The following RAB8B variants were observed in gnomAD, a reference collection of about 807,000 sequenced individuals.
RAB8B encodes the protein ras-related protein Rab-8B.
RAB8B carries 11 observed loss-of-function variants against 32.0 expected under a neutral mutation model. That is an observed-to-expected ratio of 0.34 (90% CI 0.22 to 0.57). The LOEUF (loss-of-function observed/expected upper bound fraction) is 0.57. RAB8B is among the 20% of genes least tolerant of loss of function. RAB8B has a pLI of 0.86. For synonymous variants in RAB8B, 103 were observed against 89.6 expected (o/e 1.15, Z -0.85); for missense variants, 190 against 258.5 (o/e 0.73, Z 1.82).
intron 1 of RAB8B, 81 bp from the exon 2 acceptor site, chr15:63,244,675 C>A: frequency 1.7e-6 from 2 of 1,149,596 alleles, no homozygotes; most frequent in South Asian, 1.4e-5. Context: ...AGCTTTTTTT[C>A]AATAGAAATC....
intron 2 of RAB8B, among the ~76,000 whole-genome samples, chr15:63,249,212 T>C (rs541595833): frequency 3.3e-5 from 5 of 152,270 alleles, no homozygotes; most frequent in African/African-American, 4.8e-5. Flanking sequence ...TCCAGCTCGA[T>C]TGCTTGCTTT....
intron 1 of RAB8B, among the ~76,000 whole-genome samples, chr15:63,196,070 C>A (rs2141106045): frequency 6.6e-6 from 1 of 152,248 alleles, no homozygotes; most frequent in Middle Eastern, 3.4e-3. Flanking sequence ...TTATTTGCAG[C>A]TTTACCATTG....
At chr15:63,258,059 G>A (rs1224083654) in intron 5 of RAB8B, among the ~76,000 whole-genome samples, 3 of 144,024 alleles carry the variant, frequency 2.1e-5, no homozygotes, top group Admixed American at 6.9e-5. Context: ...GAGCAAGACT[G>A]TGTCTCAAAA....
chr15:63,237,234 A>G (rs184636672), intron 1 of RAB8B, among the ~76,000 whole-genome samples: 43 of 152,160 alleles, frequency 2.8e-4, no homozygotes, highest in Admixed American at 2.5e-3. Flanking sequence ...TCTTTGACAT[A>G]CTCATTTCCT....
intron 1 of RAB8B, among the ~76,000 whole-genome samples, chr15:63,191,709 TC>T (rs1393315019): frequency 1.2e-4 from 19 of 152,334 alleles, no homozygotes; most frequent in Admixed American, 5.9e-4. Context: ...TATTTGAGCC[TC>T]CCAGAAGTAT....
chr15:63,207,920 T>C (rs1361463728), intron 1 of RAB8B, among the ~76,000 whole-genome samples: 1 of 152,072 alleles, frequency 6.6e-6, no homozygotes, highest in Non-Finnish European at 1.5e-5. Context: ...TTCTTTCTTC[T>C]GCCACCCTAA....
At chr15:63,225,715 CT>C (rs1489770039) in intron 1 of RAB8B, among the ~76,000 whole-genome samples, 5 of 152,182 alleles carry the variant, frequency 3.3e-5, no homozygotes, top group African/African-American at 1.2e-4. Context: ...AGACTCATAA[CT>C]TTTCATTGTT....
intron 1 of RAB8B, among the ~76,000 whole-genome samples, chr15:63,233,731 A>G (rs1381877478): frequency 6.6e-6 from 1 of 152,256 alleles, no homozygotes; most frequent in Admixed American, 6.5e-5. Context: ...ATGTAAATAT[A>G]CAAACCACAT....
Position 63,267,489 on chromosome 15 carries a change from C to G in RAB8B, c.*3870C>G, listed in dbSNP as rs2038258209. 6.6e-6 allele frequency: 1 copy of G among 152,130 alleles called. No individual in the cohort carries two copies. 9.4% of individuals were successfully genotyped at this position (152,130 alleles called of 1,614,324 possible). Reference sequence around the variant, plus strand: ...CTGCAGTTCCTTTCATGCAAAATACCATAAACTGTTTGATGAAAATCATGC... The same window carrying G: ...CTGCAGTTCCTTTCATGCAAAATACGATAAACTGTTTGATGAAAATCATGC... On this transcript the variant is annotated 3_prime_UTR_variant, in exon 8 of 8. Coordinates refer to ENST00000321437, the MANE Select transcript of RAB8B (RefSeq NM_016530.3).
At chr15:63,206,526 G>A (rs954915111) in intron 1 of RAB8B, among the ~76,000 whole-genome samples, 2 of 151,262 alleles carry the variant, frequency 1.3e-5, no homozygotes, top group African/African-American at 2.4e-5. Flanking sequence ...TGTTTCTTTC[G>A]CCCTTCTCTC....
At chr15:63,217,954 A>G (rs1287512400) in intron 1 of RAB8B, among the ~76,000 whole-genome samples, 18 of 152,248 alleles carry the variant, frequency 1.2e-4, no homozygotes, top group Admixed American at 1.2e-3. Flanking sequence ...CTATAGAGCT[A>G]AAGCTTAGGT....
At position 63,264,017 on chromosome 15, in the gene RAB8B, AAG is replaced by A. The variant is rs2038222948; in HGVS notation, c.*401_*402del. The A allele has an allele frequency of 6.2e-6, 1 of 161,920 alleles. No individual in the cohort carries two copies. Among genetic ancestry groups the A allele is most frequent in the South Asian group, 1.9e-4 (1 of 5,348 alleles). The allele number at this position is 161,920 out of a possible 1,614,324, so 10.0% of individuals were successfully genotyped here. A position where few individuals can be genotyped will look rare whatever the true frequency, so the allele number is the denominator to read the frequency against. ...AAATTTGTACATGTGGCAATGTTAAAAGAGCATTTACAGCAGAGGTTAATATA... is the reference window on the plus strand; with the variant it reads ...AAATTTGTACATGTGGCAATGTTAAAAGCATTTACAGCAGAGGTTAATATA... On this transcript the variant is annotated 3_prime_UTR_variant, in exon 8 of 8. Coordinates refer to ENST00000321437, the MANE Select transcript of RAB8B (RefSeq NM_016530.3).
chr15:63,241,645 TTGTACTACTTTC>T (rs2038033056), intron 1 of RAB8B, among the ~76,000 whole-genome samples: 2 of 152,318 alleles, frequency 1.3e-5, no homozygotes, highest in South Asian at 4.1e-4. Context: ...GTAACTACCA[TTGTACTACTTTC>T]TGTTTCTATG....
rs1273516084 is a variant in RAB8B, at chr15:63,263,534, G to A, written c.539G>A (p.Ser180Asn). The change falls in exon 8 of 8, where the codon AGC (serine) becomes AAC (asparagine). Residue 180 changes from serine to asparagine, a missense_variant. By Grantham distance (46) the Ser-to-Asn change is conservative. Around this residue, in one of 2 missense-constraint regions of RAB8B, gnomAD observed 110 missense variants for 115.9 expected, o/e 0.95. Coordinates refer to ENST00000321437, the MANE Select transcript of RAB8B (RefSeq NM_016530.3). ...TCATCTTCTATTTTTTAGAATGACAGCAATTCAGCAGGAGCAGGTGGACCA... is the reference window on the plus strand; with the variant it reads ...TCATCTTCTATTTTTTAGAATGACAACAATTCAGCAGGAGCAGGTGGACCA... The part of the protein sequence containing the change: ...MTKLNRKMND[S>N]NSAGAGGPVK... 6.2e-7 allele frequency: 1 copy of A among 1,609,390 alleles called. No homozygotes were observed. Among genetic ancestry groups the A allele is most frequent in the Non-Finnish European group, 8.5e-7 (1 of 1,175,802 alleles).
intron 1 of RAB8B, among the ~76,000 whole-genome samples, chr15:63,217,466 C>T (rs930041524): frequency 3.3e-5 from 5 of 152,140 alleles, no homozygotes; most frequent in South Asian, 2.1e-4. Context: ...TTAACCAAGA[C>T]GATTGTTGGG....
intron 1 of RAB8B, among the ~76,000 whole-genome samples, chr15:63,193,814 A>C (rs930645557): frequency 6.6e-5 from 10 of 151,630 alleles, no homozygotes; most frequent in African/African-American, 1.9e-4. Flanking sequence ...CCATCTCAAA[A>C]AACAACAACA....
At chr15:63,220,048 A>G (rs917084369) in intron 1 of RAB8B, among the ~76,000 whole-genome samples, 1 of 152,254 alleles carries the variant, frequency 6.6e-6, no homozygotes, top group African/African-American at 2.4e-5. Context: ...GAAGAAAGTA[A>G]GACTTTCTAA....
intron 6 of RAB8B, among the ~76,000 whole-genome samples, chr15:63,261,816 CA>C: frequency 6.6e-6 from 1 of 152,176 alleles, no homozygotes; most frequent in East Asian, 1.9e-4. Context: ...ATAGGTTTAG[CA>C]TGGTGACAAA....
intron 1 of RAB8B, among the ~76,000 whole-genome samples, chr15:63,216,728 T>C (rs1016020048): frequency 6.6e-6 from 1 of 151,802 alleles, no homozygotes; most frequent in African/African-American, 2.4e-5. Flanking sequence ...GGCATGGTGG[T>C]GTGCACCTGT....
Sources: allele counts gnomAD v4.1 joint callset (sites outside exome capture counted in the v4.1 genomes callset), GRCh38; gene constraint gnomAD v4.1.1; regional missense constraint gnomAD v4.1.1; transcripts MANE v1.5; gene names NCBI Gene and HGNC (gene_info 2026-07-23, HGNC 2026-07-21).